Variants in SLC25A18 observed in about 807,000 individuals in gnomAD.
SLC25A18 encodes solute carrier family 25 member 18.
In SLC25A18, 24 loss-of-function variants were observed where a neutral mutation model predicts 31.1. That is an observed-to-expected ratio of 0.77 (90% CI 0.56 to 1.08). The LOEUF is 1.08. SLC25A18 is among the 50% of genes least tolerant of loss of function. The pLI, the probability that SLC25A18 is intolerant of heterozygous loss-of-function variation, is 0.00. For missense variants in SLC25A18, 371 were observed against 418.5 expected (o/e 0.89, Z 0.99); for synonymous variants, 173 against 161.9 (o/e 1.07, Z -0.52).
intron 1 of SLC25A18, 121 bp downstream of exon 1, chr22:17,563,834 G>C: frequency 1.9e-6 from 1 of 530,382 alleles, no homozygotes; most frequent in Non-Finnish European, 2.4e-6. Flanking sequence ...TGTGAATACA[G>C]AATACAGAAA....
At chr22:17,582,331 G>C (rs924756724) in intron 5 of SLC25A18, 7 of 333,488 alleles carry the variant, frequency 2.1e-5, no homozygotes, top group South Asian at 7.9e-5. Flanking sequence ...CGCCGAGATC[G>C]CGCCACTGCA....
chr22:17,590,024 AGAGGCTGCCACT>A, intron 10 of SLC25A18, 59 bp from the exon 11 acceptor site: 1 of 1,588,546 alleles, frequency 6.3e-7, no homozygotes, highest in Non-Finnish European at 8.6e-7. Context: ...GCACAAATGG[AGAGGCTGCCACT>A]GAGGGCTGCT....
intron 2 of SLC25A18, among the ~76,000 whole-genome samples, chr22:17,574,986 G>A (rs1339096154): frequency 1.3e-5 from 2 of 151,866 alleles, no homozygotes; most frequent in African/African-American, 4.8e-5. Flanking sequence ...TGAGTACCTG[G>A]GATTACAGAC....
chr22:17,581,596 G>A, intron 5 of SLC25A18, 183 bp downstream of exon 5: 2 of 632,312 alleles, frequency 3.2e-6, no homozygotes, highest in Non-Finnish European at 5.4e-6. Flanking sequence ...GGCTTCCGGA[G>A]ACCCACAGAG....
intron 1 of SLC25A18, among the ~76,000 whole-genome samples, chr22:17,568,915 A>G (rs1429363450): frequency 6.6e-6 from 1 of 151,970 alleles, no homozygotes; most frequent in Non-Finnish European, 1.5e-5. Context: ...TAAGAATGTT[A>G]GCACAGGTCT....
rs1288151962 is a variant in SLC25A18 at position 17,579,794 on chromosome 22, C to T, written c.-151C>T. ...GTCGTCACTTGCCGGGAAGGTGGCT[C>T]GGGCCAGGCTGCACTCAAAACCCGT... is the stretch of plus-strand genomic sequence containing the variant. On this transcript the variant is annotated 5_prime_UTR_variant, in exon 3 of 11. Coordinates refer to ENST00000327451, the MANE Select transcript of SLC25A18 (RefSeq NM_031481.3). 11 of 1,407,914 alleles carry T rather than the reference C, an allele frequency of 7.8e-6. No homozygotes were observed. Among genetic ancestry groups the T allele is most frequent in the African/African-American group, 4.4e-5 (3 of 68,864 alleles). 87.2% of individuals were successfully genotyped at this position (1,407,914 alleles called of 1,614,324 possible).
chr22:17,588,405 G>C (rs1005117969), intron 9 of SLC25A18: 1 of 273,198 alleles, frequency 3.7e-6, no homozygotes, highest in Admixed American at 5.4e-5. Context: ...CCAGCACTTT[G>C]GGAGCCCAGC....
intron 2 of SLC25A18, among the ~76,000 whole-genome samples, chr22:17,574,768 C>T (rs2057187308): frequency 6.7e-6 from 1 of 150,256 alleles, no homozygotes; most frequent in Admixed American, 6.7e-5. Flanking sequence ...GATCCACCCA[C>T]CCTCGGCCTC....
intron 3 of SLC25A18, chr22:17,580,547 G>A: frequency 1.0e-6 from 1 of 989,762 alleles, no homozygotes; most frequent in Admixed American, 6.1e-5. Context: ...AACAATAGCT[G>A]GCATTCCCCC....
chr22:17,564,912 A>T (rs1444174910), intron 1 of SLC25A18, among the ~76,000 whole-genome samples: 3 of 151,322 alleles, frequency 2.0e-5, no homozygotes, highest in Admixed American at 6.6e-5. Flanking sequence ...CTACAAAAAA[A>T]TAATTGTTTT....
chr22:17,569,439 C>T (rs540461038), intron 1 of SLC25A18, among the ~76,000 whole-genome samples: 9 of 152,306 alleles, frequency 5.9e-5, no homozygotes, highest in Middle Eastern at 3.4e-3. Context: ...AAAATGTGTT[C>T]CTGCAGGGAG....
At chr22:17,574,684 A>G (rs2057184187) in intron 2 of SLC25A18, among the ~76,000 whole-genome samples, 1 of 148,284 alleles carries the variant, frequency 6.7e-6, no homozygotes, top group African/African-American at 2.5e-5. Context: ...GTCTCGCCTG[A>G]CTGATTTTTG....
rs573162389 is a variant in SLC25A18 at position 17,568,140 on chromosome 22, G to A, written c.-263-1784G>A. On this transcript the variant is annotated intron_variant, in intron 1 of 10. Transcript: ENST00000327451. ...AGCACTTTGGGAGGCTGAGGCGGGC[G>A]GATCACGAGGTCAGGAGATCAAGAC... 3.9e-5 allele frequency among the ~76,000 whole-genome samples: 6 copies of A among 152,072 alleles called. No individual in the cohort carries two copies. The South Asian group carries it at 6.2e-4, about 16-fold the overall frequency.
In SLC25A18 at chr22:17,568,107, A is replaced by G. The variant is rs962480958; in HGVS notation, c.-263-1817A>G. On this transcript the variant is annotated intron_variant, in intron 1 of 10. Transcript: ENST00000327451. ...AGGCCAGGTGCGATGGCTCACACCT[A>G]TAATCCCAGCACTTTGGGAGGCTGA... Among the ~76,000 whole-genome samples the G allele has an allele frequency of 3.9e-5, 6 of 152,132 alleles. 1 individual carries two copies. The Middle Eastern group carries it at 0.014, about 345-fold the overall frequency.
intron 7 of SLC25A18, among the ~76,000 whole-genome samples, chr22:17,586,635 C>T (rs1046591669): frequency 5.3e-5 from 8 of 152,194 alleles, no homozygotes; most frequent in African/African-American, 1.7e-4. Flanking sequence ...CAAAAATCAG[C>T]CAGGTGTGGT....
intron 9 of SLC25A18, chr22:17,588,336 T>C (rs1053181248): frequency 2.4e-6 from 1 of 415,604 alleles, no homozygotes; most frequent in African/African-American, 2.1e-5. Flanking sequence ...CAGCTATAAA[T>C]TATTGCTGAT....
rs2146209966 is a variant in SLC25A18 at position 17,569,985 on chromosome 22, A to T, written c.-202A>T. On this transcript the variant is annotated splice_region_variant and 5_prime_UTR_variant, in exon 2 of 11. Transcript: ENST00000327451. ...AAAGGCAGAGGTTCTTACCGAAAGC[A>T]GGTAAGTGTCTTGTCTGTCTGCATC... is the stretch of plus-strand genomic sequence containing the variant. 1.0e-6 allele frequency: 1 copy of T among 985,480 alleles called. No individual in the cohort carries two copies. Among genetic ancestry groups the T allele is most frequent in the East Asian group, 1.1e-4 (1 of 8,816 alleles). The allele number at this position is 985,480 out of a possible 1,614,324, so 61.0% of individuals were successfully genotyped here.
intron 1 of SLC25A18, among the ~76,000 whole-genome samples, chr22:17,567,825 C>T (rs114179563): frequency 6.6e-6 from 1 of 150,756 alleles, no homozygotes; most frequent in Non-Finnish European, 1.5e-5. Flanking sequence ...TCCTTGGTGC[C>T]GTAAAGAAAT....
chr22:17,587,347 CA>C, intron 8 of SLC25A18, 46 bp downstream of exon 8: 1 of 1,564,156 alleles, frequency 6.4e-7, no homozygotes, highest in Non-Finnish European at 8.6e-7. Context: ...CGGGGGAGGG[CA>C]CGAGGGCCAG....
Sources: allele counts gnomAD v4.1 joint callset (sites outside exome capture counted in the v4.1 genomes callset), GRCh38; gene constraint gnomAD v4.1.1; transcripts MANE v1.5; gene names NCBI Gene and HGNC (gene_info 2026-07-23, HGNC 2026-07-21).